Variants in ASB16 observed in about 807,000 individuals in gnomAD.
ASB16 encodes the protein ankyrin repeat and SOCS box protein 16.
In ASB16, 44 loss-of-function variants were observed where a neutral mutation model predicts 39.1. That is an observed-to-expected ratio of 1.13 (90% CI 0.88 to 1.45). The LOEUF (loss-of-function observed/expected upper bound fraction) is 1.45, where lower values mean the gene tolerates loss of function less well. Ranked by LOEUF, ASB16 falls within the 40% of genes most tolerant of loss-of-function variation. The probability of loss-of-function intolerance (pLI) is 0.00; values close to 1 mark genes in which losing one functional copy is unlikely to be tolerated. For synonymous variants in ASB16, 305 were observed against 286.7 expected (o/e 1.06, Z -0.64); for missense variants, 698 against 634.5 (o/e 1.10, Z -1.07).
chr17:44,171,561 T>TACAAAAAAA (rs2054242939), intron 1 of ASB16, among the ~76,000 whole-genome samples: 1 of 97,730 alleles, frequency 1.0e-5, no homozygotes, highest in Non-Finnish European at 1.8e-5. Flanking sequence ...AGACCCTGCC[T>TACAAAAAAA]AAAAAAAAAA....
At chr17:44,172,015 A>G (rs750009699) in intron 1 of ASB16, 31 bp from the exon 2 acceptor site, 24 of 1,596,744 alleles carry the variant, frequency 1.5e-5, no homozygotes, top group Non-Finnish European at 2.1e-5. Flanking sequence ...TGTCTTATAC[A>G]CCACCTCCCA....
Position 44,172,184 on chromosome 17 carries a change from T to C in ASB16, c.440T>C (p.Leu147Ser), listed in dbSNP as rs746354714. The C allele has an allele frequency of 1.2e-6, 2 of 1,613,168 alleles. No homozygotes were observed. Among genetic ancestry groups the C allele is most frequent in the South Asian group, 2.2e-5 (2 of 91,082 alleles). The change falls in exon 2 of 5, where the codon TTG (leucine) becomes TCG (serine). Residue 147 changes from leucine (L) to serine (S), a missense_variant. By Grantham distance (145) the Leu-to-Ser change is moderately radical. Coordinates refer to ENST00000293414, the MANE Select transcript of ASB16 (RefSeq NM_080863.5). The stretch of plus-strand genomic sequence containing the variant: ...GCCCGTGTCGGGGGTCGCGCTGCCT[T>C]GCATGAGGCCTGTGCCCGAGCCCAG... ...LDARVGGRAA[L>S]HEACARAQFD... is the part of the protein sequence containing the mutation.
intron 2 of ASB16, chr17:44,176,033 G>A (rs1245312108): frequency 2.6e-5 from 4 of 152,124 alleles, no homozygotes; most frequent in Non-Finnish European, 5.9e-5. Context: ...CACAGAAGTG[G>A]GTTTTCAAAA....
In ASB16 at chr17:44,177,063, C is replaced by A. The variant is rs1296323803; in HGVS notation, c.895C>A (p.Leu299Met). 6.8e-7 allele frequency: 1 copy of A among 1,472,384 alleles called. No homozygotes were observed. Among genetic ancestry groups the A allele is most frequent in the Non-Finnish European group, 8.9e-7 (1 of 1,125,194 alleles). The allele number at this position is 1,472,384 out of a possible 1,614,324, so 91.2% of individuals were successfully genotyped here. The change falls in exon 3 of 5, where the codon CTG becomes ATG. Residue 299 changes from leucine to methionine, a missense_variant. Transcript: ENST00000293414. The stretch of plus-strand genomic sequence containing the variant: ...CGCTTGTGCCAACGGCTGCGGGGGC[C>A]TGGCCGAGCTGCTGCTGCGTTACGG... ...HNACANGCGG[L>M]AELLLRYGAR...
rs758985812 is a variant in ASB16 at position 44,172,259 on chromosome 17, T to C, written c.515T>C (p.Leu172Pro). Residue 172 changes from leucine to proline, a missense_variant, in exon 2 of 5, where the codon CTG becomes CCG. Coordinates refer to ENST00000293414, the MANE Select transcript of ASB16 (RefSeq NM_080863.5). ...ACCTTCGGAGCCAAGGCTAATGTGC[T>C]GACTGAGGAGGGCACGACTCCTTTG... ...LLTFGAKANV[L>P]TEEGTTPLHL... The C allele has an allele frequency of 1.2e-6, 2 of 1,613,868 alleles. No homozygotes were observed. Among genetic ancestry groups the C allele is most frequent in the Admixed American group, 1.7e-5 (1 of 60,020 alleles).
In ASB16 at chr17:44,177,004, C is replaced by A. The variant is rs1420641987; in HGVS notation, c.836C>A (p.Ala279Glu). 12 of 1,488,190 alleles carry A rather than the reference C, an allele frequency of 8.1e-6. No individual in the cohort carries two copies. The highest frequency in any genetic ancestry group is 1.1e-5 in the Non-Finnish European group (12 of 1,131,734). The allele number at this position is 1,488,190 out of a possible 1,614,324, so 92.2% of individuals were successfully genotyped here. The change falls in exon 3 of 5, where the codon GCG (alanine) becomes GAG (glutamate). Residue 279 changes from alanine to glutamate, a missense_variant. By Grantham distance (107) the Ala-to-Glu change is moderately radical. Transcript: ENST00000293414. ...RLLEAGADARAAGRKRHTPLH... is the reference protein window; with the variant it reads ...RLLEAGADAREAGRKRHTPLH... ...CTGGAGGCTGGAGCTGATGCCCGGG[C>A]GGCCGGGCGCAAGCGCCACACGCCG...
chr17:44,171,175 C>T (rs1217043955), intron 1 of ASB16, 85 bp downstream of exon 1: 1 of 1,387,590 alleles, frequency 7.2e-7, no homozygotes, highest in East Asian at 2.4e-5. Flanking sequence ...CCCCTCCTTC[C>T]CTGCAGACCA....
At chr17:44,176,426 A>C in intron 2 of ASB16, 1 of 453,496 alleles carries the variant, frequency 2.2e-6, no homozygotes, top group Non-Finnish European at 4.0e-6. Flanking sequence ...GGGTGGAGAC[A>C]GAGTAGACTG....
At position 44,177,025 on chromosome 17, in the gene ASB16, C is replaced by T. The variant is rs982685334; in HGVS notation, c.857C>T (p.Thr286Met). The T allele has an allele frequency of 9.2e-5, 137 of 1,489,740 alleles. 2 individuals are homozygous for T. In the Middle Eastern group the frequency reaches 1.1e-3, roughly 12 times the overall value. 92.3% of individuals were successfully genotyped at this position (1,489,740 alleles called of 1,614,324 possible). A position where few individuals can be genotyped will look rare whatever the true frequency, so the allele number is the denominator to read the frequency against. The change falls in exon 3 of 5, where the codon ACG becomes ATG. Residue 286 changes from threonine to methionine, a missense_variant. Physicochemically the swap from Thr to Met is moderately conservative, Grantham distance 81 (BLOSUM62 -1). Transcript: ENST00000293414. ...CGGGCGGCCGGGCGCAAGCGCCACA[C>T]GCCGCTGCACAACGCTTGTGCCAAC... Reference protein sequence around the residue: ...DARAAGRKRHTPLHNACANGC... With the variant: ...DARAAGRKRHMPLHNACANGC...
At chr17:44,176,555 CT>C in intron 2 of ASB16, 182 bp from the exon 3 acceptor site, 1 of 860,164 alleles carries the variant, frequency 1.2e-6, no homozygotes, top group South Asian at 1.5e-5. Flanking sequence ...ACTGAAGATG[CT>C]TCTGGTAGCT....
At position 44,177,669 on chromosome 17, in the gene ASB16, T is replaced by C; in HGVS notation, c.1123T>C (p.Cys375Arg). Residue 375 changes from cysteine (C) to arginine (R), a missense_variant, in exon 4 of 5, where the codon TGT becomes CGT. By Grantham distance (180) the Cys-to-Arg change is radical. Transcript: ENST00000293414. ...GGAAGTCCTGCTTAATGCCTATCCTTGTGTCCCATCCTGTGAGACCTGGGT... is the reference window on the plus strand; with the variant it reads ...GGAAGTCCTGCTTAATGCCTATCCTCGTGTCCCATCCTGTGAGACCTGGGT... ...ALEVLLNAYP[C>R]VPSCETWVEA... 3 of 1,613,872 alleles carry C rather than the reference T, an allele frequency of 1.9e-6. No homozygotes were observed.
Position 44,177,562 on chromosome 17 carries a change from C to T in ASB16, c.1063-47C>T, listed in dbSNP as rs762750639. 5.0e-6 allele frequency: 8 copies of T among 1,594,696 alleles called. No individual in the cohort carries two copies. The Admixed American group carries it at 6.8e-5, about 14-fold the overall frequency. On this transcript the variant is annotated intron_variant, in intron 3 of 4. Coordinates refer to ENST00000293414, the MANE Select transcript of ASB16 (RefSeq NM_080863.5). The stretch of plus-strand genomic sequence containing the variant: ...TGGGTGAGGCAAGACTTGGGTCTGC[C>T]CTCGGGTGGGGGAGGCATGTGCCCA...
In ASB16 at chr17:44,177,247, TG is replaced by T; in HGVS notation, c.1062+18del. 6.6e-7 allele frequency: 1 copy of T among 1,524,116 alleles called. No homozygotes were observed. Among genetic ancestry groups the T allele is most frequent in the South Asian group, 1.2e-5 (1 of 80,740 alleles). The allele number at this position is 1,524,116 out of a possible 1,614,324, so 94.4% of individuals were successfully genotyped here. A position where few individuals can be genotyped will look rare whatever the true frequency, so the allele number is the denominator to read the frequency against. ...CGCCCTGAGGTGCGCTGGGAGGCCC[TG>T]ACATAGGAGGCTCCTGTGTGGGGGA... On this transcript the variant is annotated intron_variant, in intron 3 of 4. Transcript: ENST00000293414.
chr17:44,171,246 G>A (rs966740268), intron 1 of ASB16, among the ~76,000 whole-genome samples, 156 bp downstream of exon 1: 1 of 152,118 alleles, frequency 6.6e-6, no homozygotes, highest in South Asian at 2.1e-4. Flanking sequence ...AGATGAGGCA[G>A]GGTTAGCAGT....
At chr17:44,177,752 G>C (rs1411420406) in intron 4 of ASB16, 30 bp downstream of exon 4, 7 of 1,606,566 alleles carry the variant, frequency 4.4e-6, no homozygotes, top group Non-Finnish European at 6.0e-6. Flanking sequence ...GAGATGGGGA[G>C]GAGGGACGAG....
rs375066415 is a variant in ASB16 at position 44,176,789 on chromosome 17, C to A, written c.621C>A (p.Gly207=). 5.8e-5 allele frequency: 93 copies of A among 1,613,640 alleles called. No individual in the cohort carries two copies. The highest frequency in any genetic ancestry group is 7.7e-5 in the Non-Finnish European group (91 of 1,179,940). ...EAGATVNLAA[G]ESQETPLHVA... ...GAGCGACGGTGAACCTGGCAGCAGGCGAGAGCCAGGAGACGCCCCTGCACG... is the reference window on the plus strand; with the variant it reads ...GAGCGACGGTGAACCTGGCAGCAGGAGAGAGCCAGGAGACGCCCCTGCACG... The change falls in exon 3 of 5, where the codon GGC becomes GGA. Residue 207 remains glycine (G), a synonymous_variant. Transcript: ENST00000293414.
Position 44,172,295 on chromosome 17 carries a change from C to T in ASB16, c.551C>T (p.Thr184Met). The change falls in exon 2 of 5, where the codon ACG becomes ATG. Residue 184 changes from threonine (T) to methionine (M), a missense_variant. Transcript: ENST00000293414. Reference sequence around the variant, plus strand: ...GGCACGACTCCTTTGCACCTCTGCACGATCCCCGAGTCCTTGCAGTAGGTG... The same window carrying T: ...GGCACGACTCCTTTGCACCTCTGCATGATCCCCGAGTCCTTGCAGTAGGTG... ...EEGTTPLHLC[T>M]IPESLQCAKL... 4 of 1,612,810 alleles carry T rather than the reference C, an allele frequency of 2.5e-6. No individual in the cohort carries two copies. In the South Asian group the frequency reaches 3.3e-5, roughly 13 times the overall value.
chr17:44,171,069 C>T lies in ASB16; in HGVS notation c.280C>T (p.Leu94=), dbSNP rs773651180. Residue 94 remains leucine (L), a synonymous_variant, in exon 1 of 5, where the codon CTG becomes TTG. Transcript: ENST00000293414. ...GATTGTGGAGACTGTGAGCAACCAG[C>T]TGGCCTGGTCGGCTGAACAGGGTAG... ...NMIVETVSNQ[L]AWSAEQGFWV... 6.2e-7 allele frequency: 1 copy of T among 1,613,914 alleles called. No individual in the cohort carries two copies. Among genetic ancestry groups the T allele is most frequent in the Non-Finnish European group, 8.5e-7 (1 of 1,179,930 alleles).
chr17:44,173,360 A>G (rs1346363918), intron 2 of ASB16, among the ~76,000 whole-genome samples: 3 of 148,094 alleles, frequency 2.0e-5, no homozygotes, highest in Admixed American at 6.8e-5. Flanking sequence ...GCCACTACAC[A>G]CTAGCCCCTG....
Sources: allele counts gnomAD v4.1 joint callset (sites outside exome capture counted in the v4.1 genomes callset), GRCh38; gene constraint gnomAD v4.1.1; transcripts MANE v1.5; gene names NCBI Gene and HGNC (gene_info 2026-07-23, HGNC 2026-07-21).